Variants in MMP1 observed in about 807,000 individuals in gnomAD.
MMP1 encodes the protein matrix metallopeptidase 1, also known as interstitial collagenase.
Under a neutral mutation model 49.6 loss-of-function variants are expected in MMP1, and 51 were observed. The ratio of observed to expected loss-of-function variants is 1.03; its 90% CI spans 0.82 to 1.30. The LOEUF is 1.30. Among genes scored for constraint, MMP1 ranks in the 50% most tolerant of loss-of-function variants. The pLI, the probability that MMP1 is intolerant of heterozygous loss-of-function variation, is 0.00. For synonymous variants in MMP1, 230 were observed against 196.8 expected (o/e 1.17, Z -1.41); for missense variants, 623 against 568.7 (o/e 1.10, Z -0.97).
Position 102,796,772 on chromosome 11 carries a change from G to A in MMP1, c.517C>T (p.Pro173Ser). ...AGATTTCCTCCAGGTCCATCAAAAGGAGAGTTGTCCCGATGATCTGAAAGA... is the reference window on the plus strand; with the variant it reads ...AGATTTCCTCCAGGTCCATCAAAAGAAGAGTTGTCCCGATGATCTGAAAGA... ...FVRGDHRDNSPFDGPGGNLAH... is the reference protein window; with the variant it reads ...FVRGDHRDNSSFDGPGGNLAH... The change falls in exon 4 of 10, where the codon CCT (proline) becomes TCT (serine). Residue 173 changes from proline to serine, a missense_variant. Coordinates refer to ENST00000315274, the MANE Select transcript of MMP1 (RefSeq NM_002421.4). 1 of 1,613,738 alleles carries A rather than the reference G, an allele frequency of 6.2e-7. No individual in the cohort carries two copies. Among genetic ancestry groups the A allele is most frequent in the Admixed American group, 1.7e-5 (1 of 59,940 alleles).
chr11:102,791,369 C>T lies in MMP1; in HGVS notation c.1160G>A (p.Gly387Glu). 6.2e-7 allele frequency: 1 copy of T among 1,613,968 alleles called. No homozygotes were observed. Among genetic ancestry groups the T allele is most frequent in the Non-Finnish European group, 8.5e-7 (1 of 1,179,852 alleles). Residue 387 changes from glycine to glutamate, a missense_variant, in exon 8 of 10, where the codon GGA becomes GAA. Coordinates refer to ENST00000315274, the MANE Select transcript of MMP1 (RefSeq NM_002421.4). The stretch of plus-strand genomic sequence containing the variant: ...GTTAGCAACAAAGAAGTAGGTTTTT[C>T]CAGTGTTTTCCTCAGAAAGAGCAGC... Reference protein sequence around the residue: ...IDAALSEENTGKTYFFVANKY... With the variant: ...IDAALSEENTEKTYFFVANKY...
intron 6 of MMP1, chr11:102,793,084 T>C (rs1858079706): frequency 6.4e-6 from 1 of 156,022 alleles, no homozygotes; most frequent in African/African-American, 2.4e-5. Flanking sequence ...TAATGTAATT[T>C]AATTTTGTTT....
intron 2 of MMP1, 33 bp downstream of exon 2, chr11:102,797,223 T>G (rs1039648745): frequency 6.2e-7 from 1 of 1,613,534 alleles, no homozygotes; most frequent in African/African-American, 1.3e-5. Flanking sequence ...TCATGGGAAA[T>G]AGCTCTCTCA....
In MMP1 at chr11:102,797,325, A is replaced by G; in HGVS notation, c.281T>C (p.Val94Ala). The change falls in exon 2 of 10, where the codon GTG becomes GCG. Residue 94 changes from valine to alanine, a missense_variant. Transcript: ENST00000315274. Reference sequence around the variant, plus strand: ...GAGGACAAACTGAGCCACATCAGGCACTCCACATCTGGGCTGCTTCATCAC... The same window carrying G: ...GAGGACAAACTGAGCCACATCAGGCGCTCCACATCTGGGCTGCTTCATCAC... ...LKVMKQPRCG[V>A]PDVAQFVLTE... The G allele has an allele frequency of 6.2e-7, 1 of 1,614,052 alleles. No individual in the cohort carries two copies. Among genetic ancestry groups the G allele is most frequent in the Non-Finnish European group, 8.5e-7 (1 of 1,180,002 alleles).
At chr11:102,790,681 A>T in intron 9 of MMP1, 22 bp downstream of exon 9, 1 of 1,520,420 alleles carries the variant, frequency 6.6e-7, no homozygotes, top group South Asian at 1.1e-5. Flanking sequence ...GAAATGGAGG[A>T]AATACATGTA....
rs1858259143 is a variant in MMP1, at chr11:102,798,130, A to G, written c.-38T>C. On this transcript the variant is annotated 5_prime_UTR_variant, in exon 1 of 10. Coordinates refer to ENST00000315274, the MANE Select transcript of MMP1 (RefSeq NM_002421.4). The stretch of plus-strand genomic sequence containing the variant: ...CTTCTTTCTCAGTGCAAGGTAAGTG[A>G]TGGCTTCCCAGCCTCTTGCTGCTCC... 1 of 1,540,366 alleles carries G rather than the reference A, an allele frequency of 6.5e-7. No individual in the cohort carries two copies. Among genetic ancestry groups the G allele is most frequent in the African/African-American group, 1.4e-5 (1 of 73,396 alleles).
At chr11:102,792,568 A>T in intron 7 of MMP1, 37 bp downstream of exon 7, 1 of 1,599,046 alleles carries the variant, frequency 6.3e-7, no homozygotes, top group Non-Finnish European at 8.6e-7. Flanking sequence ...TGAAAAATTG[A>T]TTTATTAAAG....
chr11:102,795,190 T>A lies in MMP1; in HGVS notation c.883A>T (p.Met295Leu). 1 of 1,613,484 alleles carries A rather than the reference T, an allele frequency of 6.2e-7. No homozygotes were observed. The highest frequency in any genetic ancestry group is 2.2e-5 in the East Asian group (1 of 44,882). The change falls in exon 6 of 10, where the codon ATG (methionine) becomes TTG (leucine). Residue 295 changes from methionine to leucine, a missense_variant. Met to Leu is a conservative substitution (Grantham distance 15, BLOSUM62 2). Transcript: ENST00000315274. The part of the protein sequence containing the change: ...DAITTIRGEV[M>L]FFKDRFYMRT... Reference sequence around the variant, plus strand: ...ACATCTTACCTGTCTTTAAAGAACATCACTTCTCCCCGAATCGTAGTTATA... The same window carrying A: ...ACATCTTACCTGTCTTTAAAGAACAACACTTCTCCCCGAATCGTAGTTATA...
chr11:102,795,349 C>T (rs915549689), intron 5 of MMP1, 58 bp from the exon 6 acceptor site: 1 of 1,604,900 alleles, frequency 6.2e-7, no homozygotes, highest in Non-Finnish European at 8.5e-7. Context: ...ACTACATAAA[C>T]AATGAAGACA....
intron 8 of MMP1, 146 bp from the exon 9 acceptor site, chr11:102,790,952 T>C (rs1279368319): frequency 2.6e-5 from 16 of 626,850 alleles, no homozygotes; most frequent in Non-Finnish European, 3.6e-5. Flanking sequence ...TGGGATAAGG[T>C]GGAATGTTGG....
rs1374822892 is a variant in MMP1 at position 102,795,591 on chromosome 11, A to C, written c.642T>G (p.Arg214=). 6.2e-7 allele frequency: 1 copy of C among 1,612,192 alleles called. No homozygotes were observed. Among genetic ancestry groups the C allele is most frequent in the Non-Finnish European group, 8.5e-7 (1 of 1,179,526 alleles). The change falls in exon 5 of 10, where the codon CGT becomes CGG. Residue 214 remains arginine, a synonymous_variant. Coordinates refer to ENST00000315274, the MANE Select transcript of MMP1 (RefSeq NM_002421.4). The part of the protein sequence containing the change: ...TNNFREYNLH[R]VAAHELGHSL... ...AATGGCCGAGTTCATGAGCTGCAACACGATGTAAGTTGTACTCTAAAAAGG... is the reference window on the plus strand; with the variant it reads ...AATGGCCGAGTTCATGAGCTGCAACCCGATGTAAGTTGTACTCTAAAAAGG...
In MMP1 at chr11:102,790,260, G is replaced by GGGA; in HGVS notation, c.*151_*152insTCC. On this transcript the variant is annotated 3_prime_UTR_variant, in exon 10 of 10. Transcript: ENST00000315274. ...TACAAAAAGGGCTACATTCTAAATA[G>GGGA]TAAAAAAATATGCAAACTGAGGTAT... The GGGA allele has an allele frequency of 1.9e-6, 1 of 521,358 alleles. No individual in the cohort carries two copies. 32.3% of individuals were successfully genotyped at this position (521,358 alleles called of 1,614,324 possible). A position where few individuals can be genotyped will look rare whatever the true frequency, so the allele number is the denominator to read the frequency against.
rs561545626 is a variant in MMP1 at position 102,797,514 on chromosome 11, A to C, written c.106-14T>G. On this transcript the variant is annotated splice_polypyrimidine_tract_variant and intron_variant, in intron 1 of 9. Coordinates refer to ENST00000315274, the MANE Select transcript of MMP1 (RefSeq NM_002421.4). Reference sequence around the variant, plus strand: ...TTCCAGGTATTTCTGACAAAAGAAAATTATCGAAACACTGCATGGGAAATC... The same window carrying C: ...TTCCAGGTATTTCTGACAAAAGAAACTTATCGAAACACTGCATGGGAAATC... 7.5e-5 allele frequency: 121 copies of C among 1,613,158 alleles called. No homozygotes were observed. The highest frequency in any genetic ancestry group is 1.7e-4 in the Admixed American group (10 of 59,888).
chr11:102,790,651 G>C (rs918500498), intron 9 of MMP1, 52 bp downstream of exon 9: 8 of 1,365,238 alleles, frequency 5.9e-6, no homozygotes, highest in African/African-American at 5.7e-5. Flanking sequence ...TAACAATAAT[G>C]ATGTTATTGC....
rs762758502 is a variant in MMP1 at position 102,795,288 on chromosome 11, C to A, written c.785G>T (p.Arg262Leu). 2 of 1,613,798 alleles carry A rather than the reference C, an allele frequency of 1.2e-6. No homozygotes were observed. The highest frequency in any genetic ancestry group is 1.1e-5 in the South Asian group (1 of 91,070). ...DIDGIQAIYG[R>L]SQNPVQPIGP... The stretch of plus-strand genomic sequence containing the variant: ...GATGGGCTGGACAGGATTTTGGGAA[C>A]GTCCTAAGGAAAATAAAATACCTAG... The change falls in exon 6 of 10, where the codon CGT becomes CTT. Residue 262 changes from arginine to leucine, a missense_variant. Arg to Leu is a moderately radical substitution (Grantham distance 102). Transcript: ENST00000315274.
intron 9 of MMP1, 69 bp downstream of exon 9, chr11:102,790,634 T>C: frequency 7.3e-7 from 1 of 1,376,410 alleles, no homozygotes; most frequent in Non-Finnish European, 1.0e-6. Flanking sequence ...GCATTTGCTG[T>C]TCCAACTAAC....
chr11:102,795,332 T>G (rs1390513149), intron 5 of MMP1, 41 bp from the exon 6 acceptor site: 1 of 1,606,728 alleles, frequency 6.2e-7, no homozygotes, highest in Non-Finnish European at 8.5e-7. Flanking sequence ...TTGCCTAGTA[T>G]TAGAAAACTA....
At chr11:102,792,190 A>G (rs926391146) in intron 7 of MMP1, among the ~76,000 whole-genome samples, 7 of 152,194 alleles carry the variant, frequency 4.6e-5, no homozygotes, top group African/African-American at 1.7e-4. Flanking sequence ...CCTGCATTTA[A>G]TTCTTTGCCT....
chr11:102,793,048 T>A (rs1257437739), intron 6 of MMP1: 1 of 178,792 alleles, frequency 5.6e-6, no homozygotes, highest in Non-Finnish European at 1.2e-5. Context: ...CTGATGAATT[T>A]TTATTATTTT....
Sources: allele counts gnomAD v4.1 joint callset (sites outside exome capture counted in the v4.1 genomes callset), GRCh38; gene constraint gnomAD v4.1.1; transcripts MANE v1.5; gene names NCBI Gene and HGNC (gene_info 2026-07-23, HGNC 2026-07-21).